The following USP38 variants were observed in gnomAD, a reference collection of about 807,000 sequenced individuals.
The protein encoded by USP38 is ubiquitin carboxyl-terminal hydrolase 38.
USP38 carries 49 observed loss-of-function variants against 94.3 expected under a neutral mutation model. That is an observed-to-expected ratio of 0.52 (90% CI 0.41 to 0.66). The LOEUF is 0.66. Ranked by LOEUF, USP38 falls within the 30% of genes least tolerant of loss-of-function variation. The pLI is 0.00. For synonymous variants in USP38, 468 were observed against 463.6 expected (o/e 1.01, Z -0.12); for missense variants, 1,128 against 1,229.4 (o/e 0.92, Z 1.23).
intron 6 of USP38, among the ~76,000 whole-genome samples, chr4:143,206,461 G>A (rs922746483): frequency 5.3e-5 from 8 of 152,100 alleles, no homozygotes; most frequent in African/African-American, 1.9e-4. Context: ...AGGCCAAGAC[G>A]GGTGGATAGC....
Position 143,185,271 on chromosome 4 carries a change from C to G in USP38, c.-180C>G, listed in dbSNP as rs577645862. 1.6e-5 allele frequency: 11 copies of G among 689,282 alleles called. No homozygotes were observed. The African/African-American group carries it at 1.8e-4, about 11-fold the overall frequency. 42.7% of individuals were successfully genotyped at this position (689,282 alleles called of 1,614,324 possible). A position where few individuals can be genotyped will look rare whatever the true frequency, so the allele number is the denominator to read the frequency against. On this transcript the variant is annotated 5_prime_UTR_variant, in exon 1 of 10. Transcript: ENST00000307017. ...TCTCCAGGCTCGCTAGCTCCCGCCC[C>G]GGCTTGGATGGGTCTCCCTGCGCCA...
chr4:143,214,673 T>G lies in USP38; in HGVS notation c.2697T>G (p.Val899=). 6.2e-7 allele frequency: 1 copy of G among 1,613,742 alleles called. No individual in the cohort carries two copies. Among genetic ancestry groups the G allele is most frequent in the Non-Finnish European group, 8.5e-7 (1 of 1,179,798 alleles). ...TAGGGAGAGATAGTCCCAGTGCAGT[T>G]TTTGAACAGGATTTGGAAAATAAGG... ...HLLGRDSPSA[V]FEQDLENKEM... The change falls in exon 9 of 10, where the codon GTT becomes GTG. Residue 899 remains valine (V), a synonymous_variant. Coordinates refer to ENST00000307017, the MANE Select transcript of USP38 (RefSeq NM_032557.6).
Position 143,214,671 on chromosome 4 carries a change from GT to G in USP38, c.2700del (p.Phe900LeufsTer22). The G allele has an allele frequency of 6.2e-7, 1 of 1,613,728 alleles. No homozygotes were observed. The highest frequency in any genetic ancestry group is 8.5e-7 in the Non-Finnish European group (1 of 1,179,800). On this transcript the variant is annotated frameshift_variant, in exon 9 of 10. Transcript: ENST00000307017. LOFTEE classifies it high-confidence loss of function. ...HLLGRDSPSA[V>X]FEQDLENKEM... Reference sequence around the variant, plus strand: ...ACTAGGGAGAGATAGTCCCAGTGCAGTTTTTGAACAGGATTTGGAAAATAAG... The same window carrying G: ...ACTAGGGAGAGATAGTCCCAGTGCAGTTTTGAACAGGATTTGGAAAATAAG...
Position 143,223,527 on chromosome 4 carries a change from G to C in USP38, c.*3071G>C, listed in dbSNP as rs1193105080. On this transcript the variant is annotated 3_prime_UTR_variant, in exon 10 of 10. Transcript: ENST00000307017. ...TTGTATGATAATCCTTAAAAAAGTA[G>C]TTGTCTTCTTTTCACATACACCTCT... is the stretch of plus-strand genomic sequence containing the variant. 4.6e-5 allele frequency: 7 copies of C among 152,020 alleles called. No homozygotes were observed. Among genetic ancestry groups the C allele is most frequent in the Non-Finnish European group, 7.4e-5 (5 of 67,964 alleles). The allele number at this position is 152,020 out of a possible 1,614,324, so 9.4% of individuals were successfully genotyped here.
chr4:143,212,949 T>C lies in USP38; in HGVS notation c.1604+525T>C, dbSNP rs578087725. On this transcript the variant is annotated intron_variant, in intron 8 of 9. Coordinates refer to ENST00000307017, the MANE Select transcript of USP38 (RefSeq NM_032557.6). ...TGTTTGCTAAATGTTAATATTTTATTTTCTCAGTTCTGACAGTAAATATCA... is the reference window on the plus strand; with the variant it reads ...TGTTTGCTAAATGTTAATATTTTATCTTCTCAGTTCTGACAGTAAATATCA... Among the ~76,000 whole-genome samples the C allele has an allele frequency of 3.9e-5, 6 of 152,314 alleles. No homozygotes were observed. The South Asian group carries it at 1.2e-3, about 32-fold the overall frequency.
intron 3 of USP38, among the ~76,000 whole-genome samples, chr4:143,196,280 T>G (rs1040974213): frequency 1.3e-5 from 2 of 152,222 alleles, no homozygotes; most frequent in Non-Finnish European, 2.9e-5. Context: ...CACTCCAGCC[T>G]GGATGACAGA....
rs559158307 is a variant in USP38 at position 143,185,238 on chromosome 4, T to G, written c.-213T>G. 8.6e-6 allele frequency: 5 copies of G among 581,818 alleles called. No individual in the cohort carries two copies. Among genetic ancestry groups the G allele is most frequent in the Non-Finnish European group, 1.5e-5 (5 of 339,938 alleles). 36.0% of individuals were successfully genotyped at this position (581,818 alleles called of 1,614,324 possible). A position where few individuals can be genotyped will look rare whatever the true frequency, so the allele number is the denominator to read the frequency against. On this transcript the variant is annotated 5_prime_UTR_variant, in exon 1 of 10. Coordinates refer to ENST00000307017, the MANE Select transcript of USP38 (RefSeq NM_032557.6). ...CCTTAGGCCAGCCGCAGGTGTCGGT[T>G]CTTAGGCTCTCCAGGCTCGCTAGCT...
chr4:143,212,865 A>G (rs544901673), intron 8 of USP38, among the ~76,000 whole-genome samples: 1 of 152,260 alleles, frequency 6.6e-6, no homozygotes, highest in East Asian at 1.9e-4. Flanking sequence ...TTTTGGTTTT[A>G]GAAAATACAA....
At chr4:143,193,242 A>G (rs1413595368) in intron 2 of USP38, among the ~76,000 whole-genome samples, 1 of 152,068 alleles carries the variant, frequency 6.6e-6, no homozygotes, top group Non-Finnish European at 1.5e-5. Flanking sequence ...TTAATTCAAC[A>G]ATTTCTCAGC....
intron 2 of USP38, among the ~76,000 whole-genome samples, chr4:143,192,154 C>G (rs895011012): frequency 5.3e-5 from 8 of 152,202 alleles, no homozygotes; most frequent in Non-Finnish European, 8.8e-5. Context: ...ATATTCTCAG[C>G]ACCAAACACA....
intron 6 of USP38, among the ~76,000 whole-genome samples, chr4:143,208,919 G>T (rs1395892684): frequency 6.7e-6 from 1 of 148,206 alleles, no homozygotes; most frequent in African/African-American, 2.5e-5. Context: ...ATCTGTATTG[G>T]TGTATAATCT....
chr4:143,219,289 A>G (rs1476613276), intron 9 of USP38, among the ~76,000 whole-genome samples: 1 of 152,112 alleles, frequency 6.6e-6, no homozygotes. Context: ...AGTATCTATA[A>G]TATGACAGAT....
In USP38 at chr4:143,185,329, GCCCGTCGCGCTGCTGCTGCGGCGCT is replaced by G; in HGVS notation, c.-119_-95del. The G allele has an allele frequency of 9.1e-7, 1 of 1,104,808 alleles. No individual in the cohort carries two copies. Among genetic ancestry groups the G allele is most frequent in the Non-Finnish European group, 1.3e-6 (1 of 795,408 alleles). 68.4% of individuals were successfully genotyped at this position (1,104,808 alleles called of 1,614,324 possible). On this transcript the variant is annotated 5_prime_UTR_variant, in exon 1 of 10. Transcript: ENST00000307017. ...GGCTGCTGAGGCGGCGGTGGCCGTG[GCCCGTCGCGCTGCTGCTGCGGCGCT>G]CCAAGTTCATCTCCGCCCCGGGGCT...
At chr4:143,217,872 A>C (rs902645764) in intron 9 of USP38, among the ~76,000 whole-genome samples, 2 of 152,096 alleles carry the variant, frequency 1.3e-5, no homozygotes, top group African/African-American at 2.4e-5. Flanking sequence ...ATCTCGAAGT[A>C]AATTTTTGAA....
chr4:143,216,344 C>G (rs1192791373), intron 9 of USP38, among the ~76,000 whole-genome samples: 1 of 151,978 alleles, frequency 6.6e-6, no homozygotes, highest in African/African-American at 2.4e-5. Flanking sequence ...TTCATATTGA[C>G]AAGTTGTTTG....
intron 6 of USP38, 35 bp from the exon 7 acceptor site, chr4:143,209,529 C>A: frequency 3.2e-6 from 4 of 1,262,122 alleles, no homozygotes; most frequent in East Asian, 2.4e-5. Flanking sequence ...TGTGTTTGTA[C>A]GCACATATAT....
intron 7 of USP38, among the ~76,000 whole-genome samples, chr4:143,211,785 G>A (rs965317562): frequency 7.9e-5 from 12 of 152,094 alleles, no homozygotes; most frequent in African/African-American, 2.9e-4. Context: ...ACAAAAATTA[G>A]CAAAGGTTTC....
Position 143,185,937 on chromosome 4 carries a change from T to A in USP38, c.487T>A (p.Leu163Met), listed in dbSNP as rs752100394. The A allele has an allele frequency of 6.2e-7, 1 of 1,614,134 alleles. No individual in the cohort carries two copies. The highest frequency in any genetic ancestry group is 1.7e-5 in the Admixed American group (1 of 60,018). ...TGTGCAATGCATCCCCAAGGGGAAA[T>A]TGTCCATCACGTTCTGTCAACAGCT... The part of the protein sequence containing the change: ...DFVQCIPKGK[L>M]SITFCQQLVR... The change falls in exon 1 of 10, where the codon TTG becomes ATG. Residue 163 changes from leucine (L) to methionine (M), a missense_variant. Transcript: ENST00000307017.
intron 8 of USP38, 81 bp downstream of exon 8, chr4:143,212,505 A>G (rs998050212): frequency 2.0e-5 from 16 of 787,368 alleles, no homozygotes; most frequent in Non-Finnish European, 2.7e-5. Context: ...TTTTACCTTT[A>G]AAAACATATT....
Sources: gnomAD v4.1 joint callset for allele counts (sites outside exome capture counted in the v4.1 genomes callset) on GRCh38, gnomAD v4.1.1 for gene constraint, MANE v1.5 for transcripts, NCBI Gene and HGNC (gene_info 2026-07-23, HGNC 2026-07-21) for gene names.